DDX19B: variants seen among roughly 807,000 people sequenced by gnomAD.
DDX19B encodes ATP-dependent RNA helicase DDX19B.
A neutral mutation model predicts 58.1 loss-of-function variants in DDX19B; 27 were observed. That is an observed-to-expected ratio of 0.46 (90% CI 0.34 to 0.64). The LOEUF (loss-of-function observed/expected upper bound fraction) is 0.64, where lower values mean the gene tolerates loss of function less well. DDX19B is among the 30% of genes least tolerant of loss of function. The probability of loss-of-function intolerance (pLI) is 0.01; values close to 1 mark genes in which losing one functional copy is unlikely to be tolerated. For missense variants in DDX19B, 399 were observed against 596.5 expected, an observed-to-expected ratio of 0.67 and a Z score of 3.45; for synonymous variants, 187 against 214.4, an observed-to-expected ratio of 0.87 and a Z score of 1.12.
chr16:70,311,630 T>TA (rs1372054195), intron 1 of DDX19B, among the ~76,000 whole-genome samples: 1 of 152,160 alleles, frequency 6.6e-6, no homozygotes, highest in Non-Finnish European at 1.5e-5. Context: ...TTCTTTGAAA[T>TA]GTCTCTTTCC....
intron 10 of DDX19B, among the ~76,000 whole-genome samples, chr16:70,332,589 C>T (rs1378324169): frequency 6.6e-6 from 1 of 152,138 alleles, no homozygotes; most frequent in Non-Finnish European, 1.5e-5. Context: ...GTATGAGCCA[C>T]CGCACTCGGC....
chr16:70,324,869 T>C (rs945160062), intron 6 of DDX19B, among the ~76,000 whole-genome samples, 182 bp downstream of exon 6: 2 of 152,054 alleles, frequency 1.3e-5, no homozygotes, highest in African/African-American at 4.8e-5. Flanking sequence ...CTGGCCAACA[T>C]GGTGAAACCC....
upstream of DDX19B, among the ~76,000 whole-genome samples, chr16:70,295,909 A>G (rs561313450): frequency 6.6e-6 from 1 of 151,686 alleles, no homozygotes; most frequent in Non-Finnish European, 1.5e-5. Flanking sequence ...TATGGAAAAT[A>G]ATTTCAGAGG....
chr16:70,322,030 G>A (rs1245016877), intron 5 of DDX19B, among the ~76,000 whole-genome samples: 17 of 136,426 alleles, frequency 1.2e-4, no homozygotes, highest in African/African-American at 1.1e-4. Flanking sequence ...GTGAGATTCC[G>A]TCTCAAAAAA....
In DDX19B at chr16:70,334,970, C is replaced by T. The variant is rs538929637; in HGVS notation, c.*1388C>T. The stretch of plus-strand genomic sequence containing the variant: ...GGAAGAAGAGTTTGATGGCTAAGAA[C>T]GATTGTGATCCTAGGTCTTCTTTGT... On this transcript the variant is annotated 3_prime_UTR_variant, in exon 12 of 12. Coordinates refer to ENST00000288071, the MANE Select transcript of DDX19B (RefSeq NM_007242.7). 2.0e-5 allele frequency: 3 copies of T among 152,158 alleles called. No individual in the cohort carries two copies. Among genetic ancestry groups the T allele is most frequent in the African/African-American group, 4.8e-5 (2 of 41,444 alleles). The allele number at this position is 152,158 out of a possible 1,614,324, so 9.4% of individuals were successfully genotyped here. A position where few individuals can be genotyped will look rare whatever the true frequency, so the allele number is the denominator to read the frequency against.
chr16:70,297,712 T>G (rs146704624), upstream of DDX19B, among the ~76,000 whole-genome samples: 8 of 152,198 alleles, frequency 5.3e-5, no homozygotes, highest in East Asian at 1.4e-3. Context: ...GCCCAAGATA[T>G]TTCTTCCTAT....
At position 70,324,646 on chromosome 16, in the gene DDX19B, G is replaced by A; in HGVS notation, c.451G>A (p.Ala151Thr). 1 of 1,613,696 alleles carries A rather than the reference G, an allele frequency of 6.2e-7. No homozygotes were observed. The highest frequency in any genetic ancestry group is 8.5e-7 in the Non-Finnish European group (1 of 1,179,940). Reference protein sequence around the residue: ...GTGKTAAFVLAMLSQVEPANK... With the variant: ...GTGKTAAFVLTMLSQVEPANK... The stretch of plus-strand genomic sequence containing the variant: ...TGGTAAAACAGCTGCCTTCGTGCTG[G>A]CCATGCTTAGCCAAGTAGAACCTGC... The change falls in exon 6 of 12, where the codon GCC becomes ACC. Residue 151 changes from alanine (A) to threonine (T), a missense_variant. Coordinates refer to ENST00000288071, the MANE Select transcript of DDX19B (RefSeq NM_007242.7).
chr16:70,324,204 T>C (rs1010870466), intron 5 of DDX19B, among the ~76,000 whole-genome samples: 15 of 151,966 alleles, frequency 9.9e-5, no homozygotes, highest in African/African-American at 3.6e-4. Flanking sequence ...ACTCACATTT[T>C]AAGAATCAGT....
At position 70,333,063 on chromosome 16, in the gene DDX19B, G is replaced by A; in HGVS notation, c.1282G>A (p.Gly428Arg). ...CAATGAGACCTACCTGCACCGGATC[G>A]GGCGCACGGGCCGCTTTGGCAAGAG... Reference protein sequence around the residue: ...PDNETYLHRIGRTGRFGKRGL... With the variant: ...PDNETYLHRIRRTGRFGKRGL... Residue 428 changes from glycine to arginine, a missense_variant, in exon 11 of 12, where the codon GGG becomes AGG. Around this residue, in one of 4 missense-constraint regions of DDX19B, gnomAD observed 198 missense variants for 345.9 expected, o/e 0.57. Coordinates refer to ENST00000288071, the MANE Select transcript of DDX19B (RefSeq NM_007242.7). 2 of 1,609,134 alleles carry A rather than the reference G, an allele frequency of 1.2e-6. No homozygotes were observed. Among genetic ancestry groups the A allele is most frequent in the South Asian group, 1.1e-5 (1 of 90,676 alleles).
intron 5 of DDX19B, among the ~76,000 whole-genome samples, chr16:70,322,849 G>A (rs984684919): frequency 4.4e-5 from 6 of 137,872 alleles, no homozygotes; most frequent in African/African-American, 1.1e-4. Flanking sequence ...CTCAGATCGC[G>A]CCTTTGCACT....
At chr16:70,307,593 G>C (rs1023812183) in intron 1 of DDX19B, among the ~76,000 whole-genome samples, 4 of 151,452 alleles carry the variant, frequency 2.6e-5, no homozygotes, top group Admixed American at 6.6e-5. Context: ...GAACTCCTGA[G>C]CTCAGGCAAT....
intron 1 of DDX19B, among the ~76,000 whole-genome samples, chr16:70,303,914 A>G (rs936541609): frequency 2.6e-5 from 4 of 152,216 alleles, no homozygotes; most frequent in Admixed American, 6.6e-5. Context: ...TATACACCTT[A>G]TCCAAGGCCA....
intron 6 of DDX19B, 62 bp downstream of exon 6, chr16:70,324,749 T>G: frequency 2.6e-6 from 4 of 1,514,482 alleles, no homozygotes; most frequent in Non-Finnish European, 3.6e-6. Context: ...TTCCATTTGA[T>G]GGATTAAAAG....
intron 5 of DDX19B, among the ~76,000 whole-genome samples, chr16:70,323,508 C>G (rs1962964534): frequency 6.6e-6 from 1 of 151,748 alleles, no homozygotes; most frequent in South Asian, 2.1e-4. Context: ...ACTGCAACCT[C>G]TGCCTCGTGG....
At chr16:70,307,633 G>A (rs912536637) in intron 1 of DDX19B, among the ~76,000 whole-genome samples, 1 of 151,962 alleles carries the variant, frequency 6.6e-6, no homozygotes, top group East Asian at 1.9e-4. Context: ...AAAGTACTAG[G>A]ATTACAGGCG....
Position 70,334,258 on chromosome 16 carries a change from G to GT in DDX19B, c.*677dup, listed in dbSNP as rs1963623732. The GT allele has an allele frequency of 7.1e-6, 1 of 141,228 alleles. No homozygotes were observed. Among genetic ancestry groups the GT allele is most frequent in the African/African-American group, 2.7e-5 (1 of 37,252 alleles). 8.7% of individuals were successfully genotyped at this position (141,228 alleles called of 1,614,324 possible). A position where few individuals can be genotyped will look rare whatever the true frequency, so the allele number is the denominator to read the frequency against. On this transcript the variant is annotated 3_prime_UTR_variant, in exon 12 of 12. Transcript: ENST00000288071. The stretch of plus-strand genomic sequence containing the variant: ...GACCTGTTCTCGGTGGGTGCAGTCT[G>GT]TGTAGAGTGCACATCTGATTATTGG...
rs761646189 is a variant in DDX19B, at chr16:70,299,707, A to G, written c.57+353A>G. 2.2e-4 allele frequency among the ~76,000 whole-genome samples: 34 copies of G among 152,118 alleles called. 1 individual carries two copies. The Middle Eastern group carries it at 0.017, about 76-fold the overall frequency. ...AGTCTGGAACTCCTGGTCTCAAGCT[A>G]TCTTCCTGCCTCGGCCTTTCAAAGC... On this transcript the variant is annotated intron_variant, in intron 1 of 11. Transcript: ENST00000288071.
chr16:70,323,275 G>A (rs1211352494), intron 5 of DDX19B, among the ~76,000 whole-genome samples: 1 of 151,928 alleles, frequency 6.6e-6, no homozygotes, highest in Non-Finnish European at 1.5e-5. Context: ...TCCAGCTAAT[G>A]TTTGTATCTT....
chr16:70,295,387 C>T (rs577917505), upstream of DDX19B, among the ~76,000 whole-genome samples: 4 of 152,228 alleles, frequency 2.6e-5, no homozygotes, highest in African/African-American at 9.6e-5. Flanking sequence ...GATCCTCCCA[C>T]CTCAGCCTCA....
Sources: gnomAD v4.1 joint callset for allele counts (sites outside exome capture counted in the v4.1 genomes callset) on GRCh38, gnomAD v4.1.1 for gene constraint, gnomAD v4.1.1 regional missense constraint, MANE v1.5 for transcripts, NCBI Gene and HGNC (gene_info 2026-07-23, HGNC 2026-07-21) for gene names.